Variants in LRRIQ1 observed in about 807,000 individuals in gnomAD.
The protein encoded by LRRIQ1 is leucine rich repeats and IQ motif containing 1.
In LRRIQ1, 210 loss-of-function variants were observed where a neutral mutation model predicts 211.9. The observed-to-expected ratio is 0.99, with a 90% CI of 0.89 to 1.11. LRRIQ1 has a LOEUF of 1.11. Among genes scored for constraint, LRRIQ1 ranks in the 50% most tolerant of loss-of-function variants. The probability of loss-of-function intolerance (pLI) is 0.00; values close to 1 mark genes in which losing one functional copy is unlikely to be tolerated. For missense variants in LRRIQ1, 2,136 were observed against 1,939.5 expected, an observed-to-expected ratio of 1.10 and a Z score of -1.90; for synonymous variants, 699 against 650.1, an observed-to-expected ratio of 1.08 and a Z score of -1.14.
chr12:85,162,240 A>G (rs1890925115), intron 24 of LRRIQ1, among the ~76,000 whole-genome samples: 1 of 152,128 alleles, frequency 6.6e-6, no homozygotes, highest in Non-Finnish European at 1.5e-5. Flanking sequence ...ATATTATTTC[A>G]ACAAATATTT....
chr12:85,213,784 C>T (rs1893949925), intron 24 of LRRIQ1, among the ~76,000 whole-genome samples: 1 of 151,816 alleles, frequency 6.6e-6, no homozygotes. Flanking sequence ...AAAAACACCA[C>T]ATATTGTAGA....
intron 25 of LRRIQ1, among the ~76,000 whole-genome samples, chr12:85,230,063 C>T (rs984167961): frequency 6.6e-6 from 1 of 152,182 alleles, no homozygotes; most frequent in Non-Finnish European, 1.5e-5. Context: ...ATTCATTTCA[C>T]TGATGCCCCA....
intron 21 of LRRIQ1, 140 bp from the exon 22 acceptor site, chr12:85,153,523 T>A (rs1337501449): frequency 1.6e-6 from 1 of 639,582 alleles, no homozygotes; most frequent in Non-Finnish European, 2.7e-6. Context: ...ATGGCAGACT[T>A]TTATTGCCTT....
chr12:85,120,802 A>G (rs1021472670), intron 15 of LRRIQ1, among the ~76,000 whole-genome samples: 1 of 149,108 alleles, frequency 6.7e-6, no homozygotes, highest in Non-Finnish European at 1.5e-5. Context: ...CCCTGTAACT[A>G]TCAGCAGCCT....
intron 1 of LRRIQ1, among the ~76,000 whole-genome samples, chr12:85,250,176 G>T (rs554945251): frequency 6.6e-6 from 1 of 151,940 alleles, no homozygotes; most frequent in Non-Finnish European, 1.5e-5. Flanking sequence ...CTAGGAAAAT[G>T]AGTATCTGAC....
chr12:85,120,225 T>C (rs1163752554), intron 15 of LRRIQ1, among the ~76,000 whole-genome samples: 1 of 152,130 alleles, frequency 6.6e-6, no homozygotes, highest in African/African-American at 2.4e-5. Flanking sequence ...AAGGGTGTAG[T>C]CTGTCTAGCT....
At chr12:85,169,927 A>T (rs1565881999) in intron 24 of LRRIQ1, among the ~76,000 whole-genome samples, 1 of 152,170 alleles carries the variant, frequency 6.6e-6, no homozygotes, top group Non-Finnish European at 1.5e-5. Context: ...AATGTACATG[A>T]CATCTTATAA....
chr12:85,261,765 TTTTATTTA>T lies in LRRIQ1; in HGVS notation c.122-1118_122-1111del, dbSNP rs375693906. ...ATCATAATTTTTATTTTTTTGTTTATTTTATTTATTTATTTATTTATTTATTTATTTAT... is the reference window on the plus strand; with the variant it reads ...ATCATAATTTTTATTTTTTTGTTTATTTTATTTATTTATTTATTTATTTAT... On this transcript the variant is annotated intron_variant, in intron 1 of 1. Coordinates refer to the LRRIQ1 transcript ENST00000602731. 1.5e-3 allele frequency among the ~76,000 whole-genome samples: 211 copies of T among 139,666 alleles called. 1 individual carries two copies. The highest frequency in any genetic ancestry group is 0.01 in the South Asian group (46 of 4,524). The allele number at this position is 139,666 out of a possible 152,430, so 91.6% of individuals were successfully genotyped here.
At chr12:85,177,508 A>G (rs1891766258) in intron 24 of LRRIQ1, among the ~76,000 whole-genome samples, 1 of 152,088 alleles carries the variant, frequency 6.6e-6, no homozygotes, top group Non-Finnish European at 1.5e-5. Flanking sequence ...TAGAATGACT[A>G]TTCCAGACTA....
chr12:85,065,346 C>G lies in LRRIQ1; in HGVS notation c.2476C>G (p.Arg826Gly). Residue 826 changes from arginine to glycine, a missense_variant, in exon 9 of 27, where the codon CGA (arginine) becomes GGA (glycine). By Grantham distance (125) the Arg-to-Gly change is moderately radical (BLOSUM62 -2). Transcript: ENST00000393217. ...ECTNLQFLSLRRCGLTSLHSL... is the reference protein window; with the variant it reads ...ECTNLQFLSLGRCGLTSLHSL... ...TACAAATCTTCAGTTTCTATCCCTTCGACGCTGTGGATTAACTTCTTTGCA... is the reference window on the plus strand; with the variant it reads ...TACAAATCTTCAGTTTCTATCCCTTGGACGCTGTGGATTAACTTCTTTGCA... 6.2e-7 allele frequency: 1 copy of G among 1,610,906 alleles called. No individual in the cohort carries two copies. Among genetic ancestry groups the G allele is most frequent in the Non-Finnish European group, 8.5e-7 (1 of 1,177,984 alleles).
chr12:85,193,995 A>G (rs1270631794), intron 24 of LRRIQ1, among the ~76,000 whole-genome samples: 2 of 139,606 alleles, frequency 1.4e-5, no homozygotes, highest in Non-Finnish European at 3.1e-5. Context: ...AAGCCAATGG[A>G]AAACAAAAAA....
intron 11 of LRRIQ1, among the ~76,000 whole-genome samples, chr12:85,077,613 T>G (rs999509404): frequency 6.6e-6 from 1 of 152,126 alleles, no homozygotes; most frequent in African/African-American, 2.4e-5. Context: ...TAAGTTTATT[T>G]TACTCAGTTG....
chr12:85,255,244 T>C (rs1009750205), intron 1 of LRRIQ1, among the ~76,000 whole-genome samples: 3 of 151,864 alleles, frequency 2.0e-5, no homozygotes, highest in African/African-American at 7.2e-5. Context: ...TTAAAATATG[T>C]GAATTACAGT....
Position 85,044,712 on chromosome 12 carries a change from C to A in LRRIQ1, c.245-6C>A. 6.9e-7 allele frequency: 1 copy of A among 1,451,594 alleles called. No homozygotes were observed. The highest frequency in any genetic ancestry group is 9.6e-7 in the Non-Finnish European group (1 of 1,045,376). 89.9% of individuals were successfully genotyped at this position (1,451,594 alleles called of 1,614,324 possible). A position where few individuals can be genotyped will look rare whatever the true frequency, so the allele number is the denominator to read the frequency against. On this transcript the variant is annotated splice_polypyrimidine_tract_variant and splice_region_variant and intron_variant, in intron 3 of 26. Transcript: ENST00000393217. ...TGGAAGTTATATACATTTTTTCTTT[C>A]TCTAGGCTGTAGTTATGGAGCAGTT...
exon 2 of LRRIQ1, chr12:85,263,510 A>G (rs1327757433): frequency 6.6e-6 from 1 of 152,032 alleles, no homozygotes; most frequent in East Asian, 1.9e-4. Context: ...AAATTAATAC[A>G]TGGAATAACT....
chr12:85,105,755 A>G (rs551831420), intron 14 of LRRIQ1, among the ~76,000 whole-genome samples: 1 of 142,250 alleles, frequency 7.0e-6, no homozygotes, highest in Non-Finnish European at 1.5e-5. Context: ...GCTTAGTTTT[A>G]TTCTATTTTA....
chr12:85,258,585 A>G (rs1225726855), intron 1 of LRRIQ1, among the ~76,000 whole-genome samples: 2 of 151,932 alleles, frequency 1.3e-5, no homozygotes, highest in African/African-American at 4.8e-5. Context: ...GTGACCTTAC[A>G]AAGCAACTGT....
intron 19 of LRRIQ1, among the ~76,000 whole-genome samples, chr12:85,142,936 T>C (rs1889644154): frequency 6.6e-6 from 1 of 151,636 alleles, no homozygotes; most frequent in African/African-American, 2.4e-5. Context: ...CAGATATCTC[T>C]TCAACATACT....
At chr12:85,107,294 A>G (rs1431769021) in intron 15 of LRRIQ1, among the ~76,000 whole-genome samples, 1 of 152,042 alleles carries the variant, frequency 6.6e-6, no homozygotes, top group African/African-American at 2.4e-5. Flanking sequence ...TATTTTGTGA[A>G]AAACTGGACA....
Sources: gnomAD v4.1 joint callset for allele counts (sites outside exome capture counted in the v4.1 genomes callset) on GRCh38, gnomAD v4.1.1 for gene constraint, MANE v1.5 for transcripts, NCBI Gene and HGNC (gene_info 2026-07-23, HGNC 2026-07-21) for gene names.